ZFAT: variants seen among roughly 807,000 people sequenced by gnomAD.
The protein encoded by ZFAT is zinc finger protein ZFAT.
In ZFAT, 64 loss-of-function variants were observed where a neutral mutation model predicts 117.7. The observed-to-expected ratio is 0.54, with a 90% CI of 0.44 to 0.67. ZFAT has a LOEUF of 0.67. ZFAT is among the 30% of genes least tolerant of loss of function. The pLI is 0.00. For missense variants in ZFAT, 1,433 were observed against 1,584.5 expected, an observed-to-expected ratio of 0.90 and a Z score of 1.62; for synonymous variants, 679 against 615.0, an observed-to-expected ratio of 1.10 and a Z score of -1.54.
chr8:134,575,506 G>A (rs1403680242), intron 10 of ZFAT, among the ~76,000 whole-genome samples: 2 of 152,238 alleles, frequency 1.3e-5, no homozygotes, highest in Non-Finnish European at 2.9e-5. Context: ...CAGCCAGGCT[G>A]ACACCTTGAT....
the ZFAT span, among the ~76,000 whole-genome samples, chr8:134,726,311 T>C: frequency 6.6e-6 from 1 of 152,200 alleles, no homozygotes; most frequent in East Asian, 1.9e-4. Context: ...TCCAGGGCTT[T>C]GCATCTCTCC....
At chr8:134,561,685 T>C (rs1039147754) in intron 11 of ZFAT, among the ~76,000 whole-genome samples, 6 of 152,214 alleles carry the variant, frequency 3.9e-5, no homozygotes, top group South Asian at 2.1e-4. Flanking sequence ...GAAAAGCAAA[T>C]TGATTTCATC....
In ZFAT at chr8:134,478,363, G is replaced by C. The variant is rs1817026284; in HGVS notation, c.*119C>G. The C allele has an allele frequency of 7.0e-7, 1 of 1,423,386 alleles. No individual in the cohort carries two copies. The highest frequency in any genetic ancestry group is 1.4e-5 in the African/African-American group (1 of 70,328). 88.2% of individuals were successfully genotyped at this position (1,423,386 alleles called of 1,614,324 possible). On this transcript the variant is annotated 3_prime_UTR_variant, in exon 16 of 16. Transcript: ENST00000377838. The surrounding 1 kb of genome is among the most constrained non-coding windows in gnomAD (Gnocchi z 5.2). ...TAGGAGAGTCCTATCAGGCTGCTGG[G>C]CAGGGAGGGCAAAGGAGAGCACCAT...
chr8:134,763,622 G>A, the ZFAT span, among the ~76,000 whole-genome samples: 1 of 152,158 alleles, frequency 6.6e-6, no homozygotes, highest in African/African-American at 2.4e-5. Flanking sequence ...GGCTCCTCAA[G>A]TACAGGAATT....
intron 7 of ZFAT, among the ~76,000 whole-genome samples, chr8:134,591,942 C>T (rs1305853551): frequency 3.3e-5 from 5 of 152,224 alleles, no homozygotes; most frequent in African/African-American, 1.2e-4. Flanking sequence ...GCATGTGGCA[C>T]TTTGATTGCC....
At chr8:134,784,488 GTCTT>G in the ZFAT span, 3 of 151,920 alleles carry the variant, frequency 2.0e-5, no homozygotes, top group Admixed American at 6.6e-5. Context: ...ATAAATTTCA[GTCTT>G]TCTTAGTAAG....
intron 1 of ZFAT, among the ~76,000 whole-genome samples, chr8:134,670,693 C>T (rs945068862): frequency 6.6e-6 from 1 of 152,134 alleles, no homozygotes; most frequent in African/African-American, 2.4e-5. Flanking sequence ...ATTAAAAGAA[C>T]TAAAGAAGCA....
the ZFAT span, chr8:134,767,162 T>C: frequency 1.3e-5 from 2 of 152,242 alleles, no homozygotes; most frequent in African/African-American, 4.8e-5. Context: ...TTTTTATAAA[T>C]ATTCAATGTG....
the ZFAT span, among the ~76,000 whole-genome samples, chr8:134,817,219 G>C: frequency 6.6e-6 from 1 of 151,990 alleles, no homozygotes; most frequent in Non-Finnish European, 1.5e-5. Flanking sequence ...CCAATCAAAT[G>C]AGGCCTTCAG....
chr8:134,737,768 G>GA, the ZFAT span, among the ~76,000 whole-genome samples: 2 of 152,184 alleles, frequency 1.3e-5, no homozygotes, highest in Non-Finnish European at 2.9e-5. Flanking sequence ...ATCATGGGTG[G>GA]TGACATAAGG....
At chr8:134,581,604 G>C (rs955376204) in intron 10 of ZFAT, among the ~76,000 whole-genome samples, 1 of 152,084 alleles carries the variant, frequency 6.6e-6, no homozygotes, top group Non-Finnish European at 1.5e-5. Flanking sequence ...GGGGGGTGTA[G>C]GGAATGGGTC....
At chr8:134,782,910 T>C in the ZFAT span, among the ~76,000 whole-genome samples, 1 of 152,086 alleles carries the variant, frequency 6.6e-6, no homozygotes, top group African/African-American at 2.4e-5. Context: ...CCATTCCATT[T>C]CCACCCCCTA....
the ZFAT span, among the ~76,000 whole-genome samples, chr8:134,755,817 C>CAAAAAAAAAAAAAAAAAAAAAAA: frequency 2.2e-5 from 2 of 90,018 alleles, no homozygotes; most frequent in Admixed American, 1.4e-4. Context: ...GACTCCATCT[C>CAAAAAAAAAAAAAAAAAAAAAAA]AAAAAAAAAA....
At chr8:134,505,178 C>T (rs187522078) in intron 15 of ZFAT, among the ~76,000 whole-genome samples, 1 of 152,192 alleles carries the variant, frequency 6.6e-6, no homozygotes, top group Non-Finnish European at 1.5e-5. Context: ...TGGCTATCTA[C>T]CCCAATTAAA....
At chr8:134,495,399 G>T (rs977800535) in intron 15 of ZFAT, among the ~76,000 whole-genome samples, 3 of 152,058 alleles carry the variant, frequency 2.0e-5, no homozygotes, top group Admixed American at 6.5e-5. Context: ...ATCTCCCAAA[G>T]AACCCATCTC....
upstream of ZFAT, among the ~76,000 whole-genome samples, chr8:134,713,899 G>C (rs1238474890): frequency 1.3e-5 from 2 of 150,770 alleles, no homozygotes; most frequent in Admixed American, 6.6e-5. Context: ...CTCTGTCAAT[G>C]GTCACCCCGT....
chr8:134,828,592 T>C, the ZFAT span, among the ~76,000 whole-genome samples: 14 of 152,212 alleles, frequency 9.2e-5, no homozygotes, highest in Non-Finnish European at 1.8e-4. Context: ...TTAATAAAGT[T>C]TGCAGCTACT....
At chr8:134,666,939 C>T (rs1832254267) in intron 1 of ZFAT, among the ~76,000 whole-genome samples, 1 of 152,196 alleles carries the variant, frequency 6.6e-6, no homozygotes, top group Non-Finnish European at 1.5e-5. Flanking sequence ...CCAAAGAAAT[C>T]CACGCCAAGT....
At chr8:134,743,945 G>A in the ZFAT span, among the ~76,000 whole-genome samples, 6 of 152,192 alleles carry the variant, frequency 3.9e-5, no homozygotes, top group Admixed American at 6.5e-5. Flanking sequence ...TGGCTATCAC[G>A]AGAGGGTGAC....
Sources: gnomAD v4.1 joint callset for allele counts (sites outside exome capture counted in the v4.1 genomes callset) on GRCh38, gnomAD v4.1.1 for gene constraint, Gnocchi (gnomAD v3.1) non-coding constraint, MANE v1.5 for transcripts, NCBI Gene and HGNC (gene_info 2026-07-23, HGNC 2026-07-21) for gene names.